The following CXXC4 variants were observed in gnomAD, a reference collection of about 807,000 sequenced individuals.
The protein encoded by CXXC4 is CXXC finger protein 4, also known as CXXC-type zinc finger protein 4.
In CXXC4, 5 loss-of-function variants were observed where a neutral mutation model predicts 20.5. The observed-to-expected ratio is 0.24, with a 90% CI of 0.13 to 0.51. The LOEUF (loss-of-function observed/expected upper bound fraction) is 0.51. CXXC4 is among the 20% of genes least tolerant of loss of function. CXXC4 has a pLI of 0.97. For synonymous variants in CXXC4, 250 were observed against 216.4 expected (o/e 1.16, Z -1.36); for missense variants, 419 against 496.4 (o/e 0.84, Z 1.48).
intron 2 of CXXC4, among the ~76,000 whole-genome samples, chr4:104,473,498 A>C: frequency 6.6e-6 from 1 of 151,934 alleles, no homozygotes; most frequent in East Asian, 1.9e-4. Flanking sequence ...ATAATTCCTC[A>C]TGCCATATCC....
intron 1 of CXXC4, among the ~76,000 whole-genome samples, chr4:104,494,056 A>G (rs1736976811): frequency 6.6e-6 from 1 of 152,170 alleles, no homozygotes; most frequent in Non-Finnish European, 1.5e-5. Context: ...TCCTACCTCA[A>G]GGTTTAATAC....
intron 2 of CXXC4, among the ~76,000 whole-genome samples, chr4:104,474,884 C>T (rs1390775233): frequency 1.3e-5 from 2 of 151,840 alleles, no homozygotes; most frequent in Non-Finnish European, 2.9e-5. Flanking sequence ...ATCTCTTTTC[C>T]AATTCTCGCT....
At chr4:104,475,170 A>G (rs1482467225) in intron 2 of CXXC4, 3 of 152,132 alleles carry the variant, frequency 2.0e-5, no homozygotes, top group African/African-American at 7.2e-5. Context: ...TGGACAGTTT[A>G]TTGCAGGAGA....
At chr4:104,488,828 T>C (rs1222025509) in intron 2 of CXXC4, among the ~76,000 whole-genome samples, 1 of 152,192 alleles carries the variant, frequency 6.6e-6, no homozygotes, top group Non-Finnish European at 1.5e-5. Flanking sequence ...AGGGTAATTA[T>C]TTACTAAATA....
chr4:104,482,715 C>T (rs1235599726), intron 2 of CXXC4, among the ~76,000 whole-genome samples: 1 of 152,082 alleles, frequency 6.6e-6, no homozygotes, highest in Non-Finnish European at 1.5e-5. Flanking sequence ...TTGTTTCATT[C>T]TCTAAATTTT....
intron 2 of CXXC4, among the ~76,000 whole-genome samples, chr4:104,473,367 A>C (rs1736325151): frequency 6.6e-6 from 1 of 151,894 alleles, no homozygotes; most frequent in Admixed American, 6.6e-5. Flanking sequence ...TCTCCAAAGA[A>C]GTATCAAGCT....
chr4:104,484,270 A>G (rs1341871604), intron 2 of CXXC4, among the ~76,000 whole-genome samples: 1 of 152,004 alleles, frequency 6.6e-6, no homozygotes, highest in Non-Finnish European at 1.5e-5. Flanking sequence ...TTGATGAGGA[A>G]ATAAAGTTCA....
chr4:104,473,054 C>A lies in CXXC4; in HGVS notation c.1060-688G>T, dbSNP rs568353985. Among the ~76,000 whole-genome samples, 39 of 151,646 alleles carry A rather than the reference C, an allele frequency of 2.6e-4. 2 individuals are homozygous for A. In the South Asian group the frequency reaches 7.7e-3, roughly 30 times the overall value. Reference sequence around the variant, plus strand: ...AGGTCACTGTTTTATGTATAGAAATCACAATATATATATATATACATATCC... The same window carrying A: ...AGGTCACTGTTTTATGTATAGAAATAACAATATATATATATATACATATCC... On this transcript the variant is annotated intron_variant, in intron 2 of 2. Transcript: ENST00000394767.
chr4:104,471,067 C>G lies in CXXC4; in HGVS notation c.*1255G>C, dbSNP rs1200376820. ...AACAATGGAAATGGCAGCAATGGAG[C>G]ATTTTACTGAAGGACCAGGGGAAGA... On this transcript the variant is annotated 3_prime_UTR_variant, in exon 3 of 3. Transcript: ENST00000394767. 1.3e-5 allele frequency: 2 copies of G among 151,960 alleles called. No homozygotes were observed. The highest frequency in any genetic ancestry group is 2.4e-5 in the African/African-American group (1 of 41,404). The allele number at this position is 151,960 out of a possible 1,614,324, so 9.4% of individuals were successfully genotyped here.
chr4:104,491,572 G>A lies in CXXC4; in HGVS notation c.231C>T (p.Ala77=), dbSNP rs1578324245. 3.3e-6 allele frequency: 5 copies of A among 1,517,442 alleles called. No individual in the cohort carries two copies. The highest frequency in any genetic ancestry group is 2.1e-5 in the Admixed American group (1 of 46,588). 94.0% of individuals were successfully genotyped at this position (1,517,442 alleles called of 1,614,324 possible). A position where few individuals can be genotyped will look rare whatever the true frequency, so the allele number is the denominator to read the frequency against. ...TTPIFPSSAA[A]AAAAARIGMS... ...TGCCGATGCGCGCGGCGGCCGCGGC[G>A]GCGGCGGCGCTGCTGGGGAAGATGG... The change falls in exon 2 of 3, where the codon GCC becomes GCT. Residue 77 remains alanine (A), a synonymous_variant. Transcript: ENST00000394767.
Position 104,491,846 on chromosome 4 carries a change from G to T in CXXC4, c.-44C>A, listed in dbSNP as rs1265213862. 5.3e-6 allele frequency: 5 copies of T among 939,572 alleles called. No homozygotes were observed. The highest frequency in any genetic ancestry group is 6.4e-6 in the Non-Finnish European group (5 of 785,952). The allele number at this position is 939,572 out of a possible 1,614,324, so 58.2% of individuals were successfully genotyped here. A position where few individuals can be genotyped will look rare whatever the true frequency, so the allele number is the denominator to read the frequency against. ...GGGGTGCAGGGTGGAAGTGGGGACC[G>T]CCTGGTCCGACACCTGGGTGGAAAA... On this transcript the variant is annotated 5_prime_UTR_variant, in exon 2 of 3. Coordinates refer to ENST00000394767, the MANE Select transcript of CXXC4 (RefSeq NM_025212.4).
rs1368869039 is a variant in CXXC4 at position 104,470,273 on chromosome 4, C to T, written c.*2049G>A. The T allele has an allele frequency of 6.6e-6, 1 of 151,666 alleles. No individual in the cohort carries two copies. Among genetic ancestry groups the T allele is most frequent in the Non-Finnish European group, 1.5e-5 (1 of 67,886 alleles). The allele number at this position is 151,666 out of a possible 1,614,324, so 9.4% of individuals were successfully genotyped here. On this transcript the variant is annotated 3_prime_UTR_variant, in exon 3 of 3. Coordinates refer to ENST00000394767, the MANE Select transcript of CXXC4 (RefSeq NM_025212.4). Reference sequence around the variant, plus strand: ...AAATATACATCAAGTAGAAAGCTATCTCAAAATTAATACAGTATACAGCAC... The same window carrying T: ...AAATATACATCAAGTAGAAAGCTATTTCAAAATTAATACAGTATACAGCAC...
chr4:104,468,787 C>T lies in CXXC4; in HGVS notation c.*3535G>A, dbSNP rs1270543930. On this transcript the variant is annotated 3_prime_UTR_variant, in exon 3 of 3. Coordinates refer to ENST00000394767, the MANE Select transcript of CXXC4 (RefSeq NM_025212.4). ...GAATCTAACCATGATCAAAGACCCGCTACGGCTTTTTGCTGAACATATTTG... is the reference window on the plus strand; with the variant it reads ...GAATCTAACCATGATCAAAGACCCGTTACGGCTTTTTGCTGAACATATTTG... 2 of 151,798 alleles carry T rather than the reference C, an allele frequency of 1.3e-5. No homozygotes were observed. Among genetic ancestry groups the T allele is most frequent in the African/African-American group, 4.8e-5 (2 of 41,372 alleles). 9.4% of individuals were successfully genotyped at this position (151,798 alleles called of 1,614,324 possible). A position where few individuals can be genotyped will look rare whatever the true frequency, so the allele number is the denominator to read the frequency against.
rs1003491331 is a variant in CXXC4, at chr4:104,470,018, T to C, written c.*2304A>G. 1.3e-5 allele frequency: 2 copies of C among 152,004 alleles called. No homozygotes were observed. The highest frequency in any genetic ancestry group is 4.8e-5 in the African/African-American group (2 of 41,416). 9.4% of individuals were successfully genotyped at this position (152,004 alleles called of 1,614,324 possible). The stretch of plus-strand genomic sequence containing the variant: ...TATTGTATGCCTACTGTAGCCTGAA[T>C]AGAAGTTTGTTTCACTTCTGTAATA... On this transcript the variant is annotated 3_prime_UTR_variant, in exon 3 of 3. Transcript: ENST00000394767.
chr4:104,490,302 C>A (rs1736810761), intron 2 of CXXC4, among the ~76,000 whole-genome samples: 1 of 152,152 alleles, frequency 6.6e-6, no homozygotes, highest in Non-Finnish European at 1.5e-5. Flanking sequence ...TGAGAACAGG[C>A]TTGTGTACCA....
chr4:104,489,206 A>G (rs1174011981), intron 2 of CXXC4, among the ~76,000 whole-genome samples: 1 of 152,206 alleles, frequency 6.6e-6, no homozygotes, highest in Non-Finnish European at 1.5e-5. Flanking sequence ...CTTTCCAAAA[A>G]GAGCTGATTT....
chr4:104,479,357 C>T (rs1736497890), intron 2 of CXXC4, among the ~76,000 whole-genome samples: 1 of 152,106 alleles, frequency 6.6e-6, no homozygotes, highest in Non-Finnish European at 1.5e-5. Context: ...TACATTTAGC[C>T]TCCATCAGCA....
At position 104,491,272 on chromosome 4, in the gene CXXC4, C is replaced by G; in HGVS notation, c.531G>C (p.Gln177His). Reference sequence around the variant, plus strand: ...GCGGGCAGCCAGCTTTCCCCAGCCTCTGGGAGTCGTTTCGGTGGTGCATGC... The same window carrying G: ...GCGGGCAGCCAGCTTTCCCCAGCCTGTGGGAGTCGTTTCGGTGGTGCATGC... ...RTSMHHRNDS[Q>H]RLGKAGCPPE... Residue 177 changes from glutamine (Q) to histidine (H), a missense_variant, in exon 2 of 3, where the codon CAG becomes CAC. Gln to His is a conservative substitution (Grantham distance 24). Around this residue, in one of 3 missense-constraint regions of CXXC4, gnomAD observed 388 missense variants for 416.0 expected, o/e 0.93. Coordinates refer to ENST00000394767, the MANE Select transcript of CXXC4 (RefSeq NM_025212.4). 1 of 1,612,224 alleles carries G rather than the reference C, an allele frequency of 6.2e-7. No individual in the cohort carries two copies. Among genetic ancestry groups the G allele is most frequent in the Non-Finnish European group, 8.5e-7 (1 of 1,179,702 alleles).
chr4:104,484,537 A>G (rs12507892), intron 2 of CXXC4, among the ~76,000 whole-genome samples: 72,447 of 151,516 alleles, frequency 0.48, 19,698 homozygotes, highest in South Asian at 0.63. Flanking sequence ...CTTTAGTAAA[A>G]AACATAGTGG....
Sources: allele counts gnomAD v4.1 joint callset (sites outside exome capture counted in the v4.1 genomes callset), GRCh38; gene constraint gnomAD v4.1.1; regional missense constraint gnomAD v4.1.1; transcripts MANE v1.5; gene names NCBI Gene and HGNC (gene_info 2026-07-23, HGNC 2026-07-21).